The following DLG2 variants were observed in gnomAD, a reference collection of about 807,000 sequenced individuals.
The protein encoded by DLG2 is discs large MAGUK scaffold protein 2, also known as disks large homolog 2.
A neutral mutation model predicts 132.5 loss-of-function variants in DLG2; 45 were observed. The ratio of observed to expected loss-of-function variants is 0.34; its 90% CI spans 0.27 to 0.44. The LOEUF (loss-of-function observed/expected upper bound fraction) is 0.44, where lower values mean the gene tolerates loss of function less well. DLG2 is among the 20% of genes least tolerant of loss of function. The pLI, the probability that DLG2 is intolerant of heterozygous loss-of-function variation, is 1.00. For missense variants in DLG2, 1,045 were observed against 1,196.9 expected (o/e 0.87, Z 1.87); for synonymous variants, 424 against 419.6 (o/e 1.01, Z -0.13).
chr11:84,725,159 T>G (rs921436458), intron 6 of DLG2, among the ~76,000 whole-genome samples: 23 of 152,110 alleles, frequency 1.5e-4, no homozygotes, highest in African/African-American at 5.6e-4. Flanking sequence ...CCACCTGATT[T>G]GAGGATCTAA....
intron 3 of DLG2, among the ~76,000 whole-genome samples, chr11:85,398,026 T>C (rs1596918830): frequency 6.6e-6 from 1 of 152,038 alleles, no homozygotes; most frequent in South Asian, 2.1e-4. Context: ...ACATAATTGG[T>C]AGTAAAACAC....
At chr11:84,097,702 A>C (rs1450207025) in intron 10 of DLG2, among the ~76,000 whole-genome samples, 2 of 152,088 alleles carry the variant, frequency 1.3e-5, no homozygotes, top group Non-Finnish European at 2.9e-5. Context: ...TTACTTACTC[A>C]AAAATTCATT....
At chr11:85,389,096 T>A (rs1212746921) in intron 3 of DLG2, among the ~76,000 whole-genome samples, 1 of 151,920 alleles carries the variant, frequency 6.6e-6, no homozygotes, top group Non-Finnish European at 1.5e-5. Context: ...ATAAAAGAAA[T>A]TTTTAAAAAA....
At chr11:84,414,279 A>T (rs923531387) in intron 7 of DLG2, among the ~76,000 whole-genome samples, 1 of 152,194 alleles carries the variant, frequency 6.6e-6, no homozygotes, top group Non-Finnish European at 1.5e-5. Flanking sequence ...AATCATTATT[A>T]TCAATAAAGT....
chr11:84,510,497 T>G (rs1270463286), intron 7 of DLG2, among the ~76,000 whole-genome samples: 2 of 152,230 alleles, frequency 1.3e-5, no homozygotes, highest in East Asian at 3.9e-4. Context: ...ACAACATAGT[T>G]GTACTACTAA....
At chr11:85,193,036 T>G (rs1231561868) in intron 4 of DLG2, among the ~76,000 whole-genome samples, 1 of 152,160 alleles carries the variant, frequency 6.6e-6, no homozygotes, top group Non-Finnish European at 1.5e-5. Flanking sequence ...TTCCAGAACA[T>G]TTTCATCACC....
intron 4 of DLG2, among the ~76,000 whole-genome samples, chr11:85,240,878 T>G (rs1393723839): frequency 6.6e-6 from 1 of 151,748 alleles, no homozygotes; most frequent in African/African-American, 2.4e-5. Context: ...TCTTTACTCT[T>G]TTTCCTATCT....
At chr11:85,098,685 T>C (rs1332278409) in intron 6 of DLG2, among the ~76,000 whole-genome samples, 2 of 152,242 alleles carry the variant, frequency 1.3e-5, no homozygotes, top group African/African-American at 4.8e-5. Flanking sequence ...GATTACATTA[T>C]GCAAAAATTT....
At chr11:85,421,290 T>G (rs2090287326) in intron 3 of DLG2, among the ~76,000 whole-genome samples, 2 of 151,832 alleles carry the variant, frequency 1.3e-5, no homozygotes, top group African/African-American at 4.8e-5. Context: ...GTTTAACCAG[T>G]CCCAATGAGA....
intron 6 of DLG2, among the ~76,000 whole-genome samples, chr11:84,629,483 G>C (rs2099628065): frequency 6.6e-6 from 1 of 152,216 alleles, no homozygotes; most frequent in South Asian, 2.1e-4. Flanking sequence ...AGCCAACTGA[G>C]AGATTCAGCT....
intron 6 of DLG2, among the ~76,000 whole-genome samples, chr11:84,607,959 A>G (rs1398258178): frequency 2.6e-5 from 4 of 152,154 alleles, no homozygotes; most frequent in Non-Finnish European, 5.9e-5. Context: ...GTCTCTCTGA[A>G]CAGCTTTTCT....
intron 10 of DLG2, among the ~76,000 whole-genome samples, chr11:84,065,108 T>C (rs2096651455): frequency 6.6e-6 from 1 of 152,012 alleles, no homozygotes; most frequent in African/African-American, 2.4e-5. Flanking sequence ...CCTAAACATA[T>C]AAAAACCCTG....
intron 4 of DLG2, among the ~76,000 whole-genome samples, chr11:85,240,823 C>G: frequency 6.6e-6 from 1 of 151,746 alleles, no homozygotes; most frequent in East Asian, 1.9e-4. Context: ...GTCTTAATTA[C>G]TATAACTTTA....
chr11:84,741,625 T>C lies in DLG2; in HGVS notation c.358-206894A>G, dbSNP rs118114824. On this transcript the variant is annotated intron_variant, in intron 6 of 27. Coordinates refer to ENST00000376104, the MANE Select transcript of DLG2 (RefSeq NM_001142699.3). The stretch of plus-strand genomic sequence containing the variant: ...TATGGCACCCACCTAGAACCAAAGC[T>C]AATGCACCTACTGAACCAACACCTC... Among the ~76,000 whole-genome samples the C allele has an allele frequency of 7.3e-3, 1,106 of 151,444 alleles. 8 individuals carry two copies. Among genetic ancestry groups the C allele is most frequent in the Non-Finnish European group, 0.01 (697 of 67,870 alleles).
chr11:85,161,961 A>G (rs2078063410), intron 4 of DLG2, among the ~76,000 whole-genome samples: 1 of 152,160 alleles, frequency 6.6e-6, no homozygotes, highest in African/African-American at 2.4e-5. Context: ...CTCGTGATCC[A>G]CTAGCAAAAT....
chr11:83,970,101 C>T (rs2091030304), intron 12 of DLG2, among the ~76,000 whole-genome samples: 1 of 152,098 alleles, frequency 6.6e-6, no homozygotes, highest in Non-Finnish European at 1.5e-5. Flanking sequence ...TAGAAACTAA[C>T]TGGATTAGAT....
chr11:84,388,993 G>T (rs753553033), intron 7 of DLG2, among the ~76,000 whole-genome samples: 1 of 152,010 alleles, frequency 6.6e-6, no homozygotes, highest in African/African-American at 2.4e-5. Context: ...ACTTTAATTT[G>T]CAGGCTTTCA....
At chr11:84,782,648 C>T (rs2153912412) in intron 6 of DLG2, among the ~76,000 whole-genome samples, 1 of 152,238 alleles carries the variant, frequency 6.6e-6, no homozygotes, top group East Asian at 1.9e-4. Flanking sequence ...TTGAATAAAT[C>T]AACTCTTCTC....
chr11:84,363,601 A>G, intron 7 of DLG2, among the ~76,000 whole-genome samples: 1 of 151,608 alleles, frequency 6.6e-6, no homozygotes, highest in Admixed American at 6.6e-5. Flanking sequence ...TATGTCCTGA[A>G]TGGTAATGCC....
Sources: allele counts gnomAD v4.1 joint callset (sites outside exome capture counted in the v4.1 genomes callset), GRCh38; gene constraint gnomAD v4.1.1; transcripts MANE v1.5; gene names NCBI Gene and HGNC (gene_info 2026-07-23, HGNC 2026-07-21).